The following TNRC6B variants were observed in gnomAD, a reference collection of about 807,000 sequenced individuals.
The protein encoded by TNRC6B is trinucleotide repeat-containing gene 6B protein.
Under a neutral mutation model 203.6 loss-of-function variants are expected in TNRC6B, and 52 were observed. The ratio of observed to expected loss-of-function variants is 0.26; its 90% CI spans 0.20 to 0.32. The LOEUF (loss-of-function observed/expected upper bound fraction) is 0.32. Ranked by LOEUF, TNRC6B falls within the 10% of genes least tolerant of loss-of-function variation. The pLI is 1.00. For missense variants in TNRC6B, 1,923 were observed against 2,286.2 expected (o/e 0.84, Z 3.24); for synonymous variants, 838 against 845.7 (o/e 0.99, Z 0.16).
chr22:40,217,055 C>T (rs2069644942), intron 1 of TNRC6B, among the ~76,000 whole-genome samples: 1 of 152,142 alleles, frequency 6.6e-6, no homozygotes, highest in South Asian at 2.1e-4. Context: ...CTTTGTCTTC[C>T]TTTCCTCTAA....
intron 1 of TNRC6B, among the ~76,000 whole-genome samples, chr22:40,232,186 A>C (rs902318570): frequency 2.0e-5 from 3 of 152,200 alleles, no homozygotes; most frequent in African/African-American, 7.2e-5. Context: ...ATTTCCAAGA[A>C]AGCAAATGAC....
intron 1 of TNRC6B, among the ~76,000 whole-genome samples, chr22:40,216,250 T>A (rs1318678964): frequency 2.0e-5 from 3 of 152,182 alleles, no homozygotes; most frequent in Admixed American, 6.5e-5. Flanking sequence ...TTGGCCTCCC[T>A]GGCAAGGTCT....
At chr22:40,263,055 A>T (rs1282396183) in intron 4 of TNRC6B, among the ~76,000 whole-genome samples, 2 of 152,012 alleles carry the variant, frequency 1.3e-5, no homozygotes, top group Non-Finnish European at 2.9e-5. Flanking sequence ...AAAAAAAAAA[A>T]AAGTTGTGAG....
intron 3 of TNRC6B, among the ~76,000 whole-genome samples, chr22:40,143,446 A>G (rs2146339932): frequency 6.6e-6 from 1 of 152,152 alleles, no homozygotes; most frequent in South Asian, 2.1e-4. Context: ...AAAAAATCAA[A>G]TAAGAATATG....
At chr22:40,074,643 G>T (rs1187126329) in intron 1 of TNRC6B, among the ~76,000 whole-genome samples, 1 of 151,972 alleles carries the variant, frequency 6.6e-6, no homozygotes, top group Non-Finnish European at 1.5e-5. Context: ...GCCAGGCGTG[G>T]TGGTGGGCGC....
Position 40,334,201 on chromosome 22 carries a change from CCCA to C in TNRC6B, c.*10969_*10971del. The stretch of plus-strand genomic sequence containing the variant: ...TGCACTTCTTTCCTGGGACACTCCC[CCCA>C]CCACCACCCTTTGCACACACCAGTG... On this transcript the variant is annotated 3_prime_UTR_variant, in exon 23 of 23. Coordinates refer to ENST00000454349, the MANE Select transcript of TNRC6B (RefSeq NM_001162501.2). 6.5e-6 allele frequency: 1 copy of C among 152,978 alleles called. No homozygotes were observed. The highest frequency in any genetic ancestry group is 1.5e-5 in the Non-Finnish European group (1 of 68,244). The allele number at this position is 152,978 out of a possible 1,614,324, so 9.5% of individuals were successfully genotyped here.
chr22:40,255,794 T>C (rs148472863), intron 3 of TNRC6B, among the ~76,000 whole-genome samples: 1,634 of 152,324 alleles, frequency 0.011, 32 homozygotes, highest in African/African-American at 0.037. Flanking sequence ...GCAGGAAGTG[T>C]AAATCCCTTC....
chr22:40,143,937 A>G (rs1363058942), intron 3 of TNRC6B, among the ~76,000 whole-genome samples: 3 of 152,214 alleles, frequency 2.0e-5, no homozygotes, highest in African/African-American at 7.2e-5. Flanking sequence ...CATTTCACAA[A>G]ATAAGGCATC....
Position 40,327,705 on chromosome 22 carries a change from A to G in TNRC6B, c.*4464A>G, listed in dbSNP as rs139918. 0.99 allele frequency: 150,699 copies of G among 152,390 alleles called. 74,524 individuals are homozygous for G. Among genetic ancestry groups the G allele is most frequent in the Middle Eastern group, 1 (294 of 294 alleles). The allele number at this position is 152,390 out of a possible 1,614,324, so 9.4% of individuals were successfully genotyped here. ...AGAGCCATGTCTACTAAGAGGTTAG[A>G]TGACTTCAGTATACTTATAAAATTC... On this transcript the variant is annotated 3_prime_UTR_variant, in exon 23 of 23. Coordinates refer to ENST00000454349, the MANE Select transcript of TNRC6B (RefSeq NM_001162501.2).
intron 3 of TNRC6B, among the ~76,000 whole-genome samples, chr22:40,255,758 C>CAG (rs1371424670): frequency 4.6e-5 from 7 of 152,350 alleles, no homozygotes; most frequent in Non-Finnish European, 1.0e-4. Flanking sequence ...ATGGAGGTTG[C>CAG]TCTCTGTTCC....
chr22:40,108,203 C>G (rs1177220080), intron 1 of TNRC6B, among the ~76,000 whole-genome samples: 1 of 152,138 alleles, frequency 6.6e-6, no homozygotes, highest in Non-Finnish European at 1.5e-5. Flanking sequence ...ACAGTGGAGG[C>G]TCTGGAGAGG....
At position 40,266,326 on chromosome 22, in the gene TNRC6B, A is replaced by G. The variant is rs753416364; in HGVS notation, c.2096A>G (p.Asn699Ser). 2 of 1,603,070 alleles carry G rather than the reference A, an allele frequency of 1.2e-6. No homozygotes were observed. Among genetic ancestry groups the G allele is most frequent in the Non-Finnish European group, 1.7e-6 (2 of 1,174,436 alleles). The change falls in exon 5 of 23, where the codon AAT (asparagine) becomes AGT (serine). Residue 699 changes from asparagine to serine, a missense_variant. Physicochemically the swap from Asn to Ser is conservative, Grantham distance 46 (BLOSUM62 1). This residue lies in a region of TNRC6B where 599 missense variants were observed against 656.5 expected (regional missense o/e 0.91). Transcript: ENST00000454349. ...GACCCCAAGAACACAGGAGGCTGGA[A>G]TGACTACAAGAACAACAACTCTTCC... Reference protein sequence around the residue: ...WKDPKNTGGWNDYKNNNSSNW... With the variant: ...WKDPKNTGGWSDYKNNNSSNW...
At position 40,178,001 on chromosome 22, in the gene TNRC6B, A is replaced by T. The variant is rs2069083844; in HGVS notation, c.-135A>T. ...TAGTTCAAGCCAAAATGGCCGACAG[A>T]GTCTCTGCTGGTTTCTGAATATTTA... On this transcript the variant is annotated 5_prime_UTR_variant, in exon 1 of 23. Transcript: ENST00000454349. The T allele has an allele frequency of 6.6e-7, 1 of 1,526,424 alleles. No individual in the cohort carries two copies. The highest frequency in any genetic ancestry group is 2.3e-5 in the East Asian group (1 of 43,572). The allele number at this position is 1,526,424 out of a possible 1,614,324, so 94.6% of individuals were successfully genotyped here.
At chr22:40,084,519 C>T (rs1034756085) in intron 1 of TNRC6B, among the ~76,000 whole-genome samples, 2 of 152,098 alleles carry the variant, frequency 1.3e-5, no homozygotes, top group African/African-American at 4.8e-5. Context: ...AAATGTCAGA[C>T]GGTGATAAGT....
chr22:40,046,293 T>C (rs2067686832), intron 1 of TNRC6B, among the ~76,000 whole-genome samples: 1 of 152,234 alleles, frequency 6.6e-6, no homozygotes, highest in East Asian at 1.9e-4. Flanking sequence ...AGAGCGGAAC[T>C]TTTAGCGCAT....
intron 1 of TNRC6B, among the ~76,000 whole-genome samples, chr22:40,215,900 T>C (rs1292992951): frequency 6.6e-6 from 1 of 152,228 alleles, no homozygotes; most frequent in Non-Finnish European, 1.5e-5. Flanking sequence ...TGCTCTGTTC[T>C]CTGTAGCCAG....
chr22:40,259,801 G>A (rs376530831), intron 3 of TNRC6B, among the ~76,000 whole-genome samples: 26 of 152,296 alleles, frequency 1.7e-4, no homozygotes, highest in African/African-American at 5.8e-4. Flanking sequence ...TGCTGGCCCC[G>A]CATCATTTTA....
At chr22:40,315,019 AAGC>A (rs1353825763) in intron 19 of TNRC6B, among the ~76,000 whole-genome samples, 1 of 152,214 alleles carries the variant, frequency 6.6e-6, no homozygotes, top group Admixed American at 6.5e-5. Context: ...TTAGCTAAGA[AAGC>A]AGTAGAGAAT....
chr22:40,156,210 C>T, intron 4 of TNRC6B: 1 of 1,551,832 alleles, frequency 6.4e-7, no homozygotes, highest in South Asian at 1.2e-5. Context: ...TAAAAAGAGT[C>T]CTATTACAGA....
Sources: allele counts gnomAD v4.1 joint callset (sites outside exome capture counted in the v4.1 genomes callset), GRCh38; gene constraint gnomAD v4.1.1; regional missense constraint gnomAD v4.1.1; transcripts MANE v1.5; gene names NCBI Gene and HGNC (gene_info 2026-07-23, HGNC 2026-07-21).